Variants in DLGAP2 observed in about 807,000 individuals in gnomAD.
DLGAP2 encodes the protein disks large-associated protein 2.
DLGAP2 carries 26 observed loss-of-function variants against 100.3 expected under a neutral mutation model. The ratio of observed to expected loss-of-function variants is 0.26; its 90% confidence interval spans 0.19 to 0.36. The LOEUF (loss-of-function observed/expected upper bound fraction) is 0.36. Ranked by LOEUF, DLGAP2 falls within the 10% of genes least tolerant of loss-of-function variation. The pLI, the probability that DLGAP2 is intolerant of heterozygous loss-of-function variation, is 1.00. For synonymous variants in DLGAP2, 886 were observed against 630.1 expected (o/e 1.41, Z -6.08); for missense variants, 1,858 against 1,453.2 (o/e 1.28, Z -4.53).
At chr8:1,580,494 A>G (rs1408654198) in intron 6 of DLGAP2, among the ~76,000 whole-genome samples, 1 of 152,206 alleles carries the variant, frequency 6.6e-6, no homozygotes. Context: ...GAGCTATCAA[A>G]TGTTCTCACA....
At chr8:788,290 G>T (rs962967296) in intron 1 of DLGAP2, among the ~76,000 whole-genome samples, 2 of 152,348 alleles carry the variant, frequency 1.3e-5, no homozygotes, top group African/African-American at 4.8e-5. Context: ...TACCCATGTG[G>T]TCTGGTCGAG....
chr8:904,506 C>G (rs1163947112), intron 1 of DLGAP2, among the ~76,000 whole-genome samples: 1 of 152,180 alleles, frequency 6.6e-6, no homozygotes, highest in Non-Finnish European at 1.5e-5. Flanking sequence ...GGCGATAGAA[C>G]AAGACTGTCT....
chr8:1,429,691 G>C (rs1275515573), intron 3 of DLGAP2, among the ~76,000 whole-genome samples: 3 of 151,848 alleles, frequency 2.0e-5, no homozygotes, highest in Non-Finnish European at 2.9e-5. Flanking sequence ...TGAGCCTGCA[G>C]CAGGCACATG....
chr8:1,056,211 C>T (rs1802878474), intron 2 of DLGAP2, among the ~76,000 whole-genome samples: 1 of 152,222 alleles, frequency 6.6e-6, no homozygotes, highest in South Asian at 2.1e-4. Flanking sequence ...CAAACGACCT[C>T]AGTTGAGTGT....
intron 1 of DLGAP2, among the ~76,000 whole-genome samples, chr8:804,555 A>C (rs1005990676): frequency 6.6e-6 from 1 of 152,220 alleles, no homozygotes; most frequent in African/African-American, 2.4e-5. Flanking sequence ...GTGTTCTCTA[A>C]TTCACAATTT....
intron 12 of DLGAP2, among the ~76,000 whole-genome samples, chr8:1,680,122 T>C (rs1798910195): frequency 6.6e-6 from 1 of 152,240 alleles, no homozygotes; most frequent in Non-Finnish European, 1.5e-5. Context: ...CTAATGCTTA[T>C]GTTTAACACA....
At chr8:1,536,806 A>G (rs759580701) in intron 4 of DLGAP2, among the ~76,000 whole-genome samples, 5 of 152,126 alleles carry the variant, frequency 3.3e-5, no homozygotes, top group Admixed American at 6.5e-5. Flanking sequence ...ATTTCCATTC[A>G]AATATTTCAC....
chr8:1,706,313 C>T lies in DLGAP2; in HGVS notation c.*4907C>T, dbSNP rs542883584. On this transcript the variant is annotated 3_prime_UTR_variant, in exon 15 of 15. Coordinates refer to ENST00000637795, the MANE Select transcript of DLGAP2 (RefSeq NM_001346810.2). ...TACAGTTCCTGTCCCTGTCTTCCTC[C>T]AGGACACACTGTGAGGATTAATGAC... 4 of 152,330 alleles carry T rather than the reference C, an allele frequency of 2.6e-5. No individual in the cohort carries two copies. The South Asian group carries it at 8.3e-4, about 32-fold the overall frequency. The allele number at this position is 152,330 out of a possible 1,614,324, so 9.4% of individuals were successfully genotyped here.
rs147869295 is a variant in DLGAP2 at position 802,927 on chromosome 8, C to G, written c.18+65102C>G. Among the ~76,000 whole-genome samples the G allele has an allele frequency of 2.6e-3, 398 of 152,226 alleles. 1 individual carries two copies. Among genetic ancestry groups the G allele is most frequent in the Non-Finnish European group, 4.2e-3 (285 of 68,022 alleles). On this transcript the variant is annotated intron_variant, in intron 1 of 14. Coordinates refer to ENST00000637795, the MANE Select transcript of DLGAP2 (RefSeq NM_001346810.2). Reference sequence around the variant, plus strand: ...GAGGGGGTGTGATTTTACACATAGTCTAAATAAAGGAAAGGTGGGTGGGGT... The same window carrying G: ...GAGGGGGTGTGATTTTACACATAGTGTAAATAAAGGAAAGGTGGGTGGGGT...
intron 3 of DLGAP2, among the ~76,000 whole-genome samples, chr8:1,434,847 C>T (rs910789686): frequency 6.6e-6 from 1 of 152,158 alleles, no homozygotes; most frequent in African/African-American, 2.4e-5. Flanking sequence ...CTTCCTCCTC[C>T]CTTCATCCTT....
rs1337793211 is a variant in DLGAP2 at position 1,706,881 on chromosome 8, G to A, written c.*5475G>A. On this transcript the variant is annotated 3_prime_UTR_variant, in exon 15 of 15. Coordinates refer to ENST00000637795, the MANE Select transcript of DLGAP2 (RefSeq NM_001346810.2). ...TCTACTTCGCACTTGAGAGAAGGCA[G>A]AGGTGGTCCGTGGGAAAGCTCCGGG... 5 of 152,206 alleles carry A rather than the reference G, an allele frequency of 3.3e-5. No homozygotes were observed. The highest frequency in any genetic ancestry group is 1.2e-4 in the African/African-American group (5 of 41,452). The allele number at this position is 152,206 out of a possible 1,614,324, so 9.4% of individuals were successfully genotyped here.
intron 2 of DLGAP2, among the ~76,000 whole-genome samples, chr8:1,114,013 A>G (rs1280940542): frequency 6.6e-6 from 1 of 152,174 alleles, no homozygotes; most frequent in African/African-American, 2.4e-5. Context: ...TGATTTGTGT[A>G]TGTTGAACCA....
chr8:1,223,705 C>G (rs948751043), intron 2 of DLGAP2, among the ~76,000 whole-genome samples: 4 of 152,164 alleles, frequency 2.6e-5, no homozygotes, highest in Non-Finnish European at 4.4e-5. Flanking sequence ...CTGTGGGCCC[C>G]TGCAGCCATT....
intron 3 of DLGAP2, among the ~76,000 whole-genome samples, chr8:1,304,199 G>A (rs1425945210): frequency 6.6e-6 from 1 of 152,228 alleles, no homozygotes; most frequent in African/African-American, 2.4e-5. Flanking sequence ...ACTGAGAGCT[G>A]ACAGCTTTTG....
chr8:1,588,203 A>G (rs1050476623), intron 6 of DLGAP2, among the ~76,000 whole-genome samples: 2 of 152,220 alleles, frequency 1.3e-5, no homozygotes, highest in African/African-American at 2.4e-5. Flanking sequence ...CTGTATTTTT[A>G]GCTGAAAAAA....
chr8:943,301 G>GA (rs56074255), intron 2 of DLGAP2, among the ~76,000 whole-genome samples: 40,543 of 151,214 alleles, frequency 0.27, 6,096 homozygotes, highest in Admixed American at 0.38. Context: ...TCATCAGTGG[G>GA]AAAAAAAAAT....
intron 2 of DLGAP2, among the ~76,000 whole-genome samples, chr8:1,038,700 C>G (rs746989711): frequency 3.9e-5 from 6 of 152,112 alleles, no homozygotes; most frequent in Non-Finnish European, 7.3e-5. Flanking sequence ...AGAATTTGAA[C>G]CTTGAAAGGA....
At position 1,191,337 on chromosome 8, in the gene DLGAP2, A is replaced by AT. The variant is rs1554499831; in HGVS notation, c.74-67508dup. On this transcript the variant is annotated intron_variant, in intron 2 of 14. Coordinates refer to ENST00000637795, the MANE Select transcript of DLGAP2 (RefSeq NM_001346810.2). ...AGGCACCCGCCACCACGCCCGGCTA[A>AT]TTTTTTGTATTTTTGGTAGAGACGG... Among the ~76,000 whole-genome samples the AT allele has an allele frequency of 1.4e-4, 22 of 151,788 alleles. 1 individual carries two copies. Among genetic ancestry groups the AT allele is most frequent in the Admixed American group, 7.9e-4 (12 of 15,234 alleles).
chr8:1,371,631 A>T (rs760020929), intron 3 of DLGAP2, among the ~76,000 whole-genome samples: 22 of 152,360 alleles, frequency 1.4e-4, no homozygotes, highest in Non-Finnish European at 2.6e-4. Context: ...CTTAAATTTG[A>T]TGGTAATGAA....
Sources: gnomAD v4.1 joint callset for allele counts (sites outside exome capture counted in the v4.1 genomes callset) on GRCh38, gnomAD v4.1.1 for gene constraint, MANE v1.5 for transcripts, NCBI Gene and HGNC (gene_info 2026-07-23, HGNC 2026-07-21) for gene names.